Variants in ARHGAP5 observed in about 807,000 individuals in gnomAD.
ARHGAP5 encodes the protein rho GTPase-activating protein 5.
A neutral mutation model predicts 116.6 loss-of-function variants in ARHGAP5; 23 were observed. The ratio of observed to expected loss-of-function variants is 0.20; its 90% CI spans 0.14 to 0.28. ARHGAP5 has a LOEUF of 0.28. Ranked by LOEUF, ARHGAP5 falls within the 10% of genes least tolerant of loss-of-function variation. The pLI is 1.00. For synonymous variants in ARHGAP5, 574 were observed against 602.0 expected (o/e 0.95, Z 0.68); for missense variants, 1,405 against 1,774.8 (o/e 0.79, Z 3.74).
Position 32,091,073 on chromosome 14 carries a change from C to G in ARHGAP5, c.404C>G (p.Thr135Ser), listed in dbSNP as rs371747331. ...QSAEKLMYIC[T>S]DQLGLEQDFE... ...GCAGAAAAACTAATGTACATTTGCACTGATCAGCTAGGCTTAGAACAAGAC... is the reference window on the plus strand; with the variant it reads ...GCAGAAAAACTAATGTACATTTGCAGTGATCAGCTAGGCTTAGAACAAGAC... Residue 135 changes from threonine to serine, a missense_variant, in exon 2 of 7, where the codon ACT becomes AGT. By Grantham distance (58) the Thr-to-Ser change is moderately conservative. Coordinates refer to ENST00000345122, the MANE Select transcript of ARHGAP5 (RefSeq NM_001030055.2). 2 of 1,613,578 alleles carry G rather than the reference C, an allele frequency of 1.2e-6. No homozygotes were observed. Among genetic ancestry groups the G allele is most frequent in the African/African-American group, 2.7e-5 (2 of 74,900 alleles).
In ARHGAP5 at chr14:32,155,206, T is replaced by C. The variant is rs1656481229; in HGVS notation, c.*258T>C. 2.6e-6 allele frequency: 1 copy of C among 379,408 alleles called. No individual in the cohort carries two copies. The highest frequency in any genetic ancestry group is 4.7e-5 in the South Asian group (1 of 21,294). The allele number at this position is 379,408 out of a possible 1,614,324, so 23.5% of individuals were successfully genotyped here. ...AAAGCTGCTGCTGCATGCAACCTTA[T>C]TGCAATCAGTATATCATTCCTGTGG... On this transcript the variant is annotated 3_prime_UTR_variant, in exon 7 of 7. Coordinates refer to ENST00000345122, the MANE Select transcript of ARHGAP5 (RefSeq NM_001030055.2).
intron 1 of ARHGAP5, among the ~76,000 whole-genome samples, chr14:32,079,543 A>G (rs1171620715): frequency 6.6e-6 from 1 of 152,182 alleles, no homozygotes; most frequent in African/African-American, 2.4e-5. Context: ...AGTTATTTTG[A>G]CCTTGAAAGT....
intron 3 of ARHGAP5, among the ~76,000 whole-genome samples, chr14:32,121,183 G>T (rs1271056131): frequency 6.6e-6 from 1 of 151,456 alleles, no homozygotes; most frequent in East Asian, 1.9e-4. Context: ...ACCTTTTTTG[G>T]TTTTGGTAGA....
intron 3 of ARHGAP5, among the ~76,000 whole-genome samples, chr14:32,137,845 G>A (rs1228232682): frequency 2.0e-5 from 3 of 151,760 alleles, no homozygotes; most frequent in South Asian, 2.1e-4. Context: ...GGTGGCAGGC[G>A]CCTGTAATCC....
At chr14:32,085,846 A>G (rs1335367723) in intron 1 of ARHGAP5, among the ~76,000 whole-genome samples, 1 of 152,196 alleles carries the variant, frequency 6.6e-6, no homozygotes, top group Admixed American at 6.5e-5. Flanking sequence ...TTTTGAAAAA[A>G]AATTTTTTTA....
intron 3 of ARHGAP5, among the ~76,000 whole-genome samples, chr14:32,129,878 A>G (rs115379676): frequency 0.037 from 5,677 of 152,180 alleles, 360 homozygotes; most frequent in African/African-American, 0.13. Context: ...TGGCTATAGA[A>G]AAACAAGCCA....
intron 1 of ARHGAP5, among the ~76,000 whole-genome samples, chr14:32,088,807 G>A (rs1349690715): frequency 6.6e-6 from 1 of 151,878 alleles, no homozygotes; most frequent in African/African-American, 2.4e-5. Flanking sequence ...ATAAAGAACT[G>A]GAACTAATAT....
In ARHGAP5 at chr14:32,092,417, G is replaced by A. The variant is rs746935718; in HGVS notation, c.1748G>A (p.Arg583His). The change falls in exon 2 of 7, where the codon CGC becomes CAC. Residue 583 changes from arginine (R) to histidine (H), a missense_variant. Arg to His is a conservative substitution (Grantham distance 29, BLOSUM62 0). Around this residue, in one of 6 missense-constraint regions of ARHGAP5, gnomAD observed 944 missense variants for 1,095.3 expected, o/e 0.86. Coordinates refer to ENST00000345122, the MANE Select transcript of ARHGAP5 (RefSeq NM_001030055.2). The surrounding 1 kb of genome is among the most constrained non-coding windows in gnomAD (Gnocchi z 4.1). ...AGTCTTTTACAGTTGGATCATGGCC[G>A]CTTAAGATTATATCACGATAGTACC... Reference protein sequence around the residue: ...ASSLLQLDHGRLRLYHDSTNI... With the variant: ...ASSLLQLDHGHLRLYHDSTNI... 24 of 1,613,206 alleles carry A rather than the reference G, an allele frequency of 1.5e-5. No individual in the cohort carries two copies. In the South Asian group the frequency reaches 1.8e-4, roughly 12 times the overall value.
intron 3 of ARHGAP5, among the ~76,000 whole-genome samples, chr14:32,127,895 G>A (rs1210322490): frequency 2.7e-5 from 4 of 149,906 alleles, no homozygotes; most frequent in Non-Finnish European, 4.4e-5. Flanking sequence ...CAGACGGGGC[G>A]GCTGGGCAGA....
At chr14:32,138,234 C>T (rs932069576) in intron 3 of ARHGAP5, among the ~76,000 whole-genome samples, 2 of 151,798 alleles carry the variant, frequency 1.3e-5, no homozygotes, top group Non-Finnish European at 2.9e-5. Context: ...ATCTTGTAAC[C>T]TGCAACTTTG....
intron 3 of ARHGAP5, among the ~76,000 whole-genome samples, chr14:32,128,051 C>T (rs145401815): frequency 0.018 from 2,608 of 148,950 alleles, 66 homozygotes; most frequent in African/African-American, 0.062. Context: ...CCAGACAGTG[C>T]GGCCGGGCAG....
At chr14:32,148,615 C>A (rs1052102421) in intron 4 of ARHGAP5, among the ~76,000 whole-genome samples, 9 of 151,946 alleles carry the variant, frequency 5.9e-5, no homozygotes, top group Non-Finnish European at 4.4e-5. Flanking sequence ...TAAATGAAAT[C>A]TAAATGTTCA....
rs765755645 is a variant in ARHGAP5, at chr14:32,146,363, TAA to T, written c.3943+27_3943+28del. The T allele has an allele frequency of 3.2e-6, 5 of 1,545,638 alleles. No homozygotes were observed. In the Admixed American group the frequency reaches 8.7e-5, roughly 27 times the overall value. Reference sequence around the variant, plus strand: ...AAGGTAAGAAGATGATTATGTGAAATAAAAATTGTTGTTTTATGTTTTCCTTG... The same window carrying T: ...AAGGTAAGAAGATGATTATGTGAAATAAATTGTTGTTTTATGTTTTCCTTG... On this transcript the variant is annotated intron_variant, in intron 4 of 6. Coordinates refer to ENST00000345122, the MANE Select transcript of ARHGAP5 (RefSeq NM_001030055.2).
chr14:32,130,085 A>G (rs1566677039), intron 3 of ARHGAP5, among the ~76,000 whole-genome samples: 1 of 151,372 alleles, frequency 6.6e-6, no homozygotes, highest in Non-Finnish European at 1.5e-5. Context: ...ATATATATGT[A>G]ATAAAATATA....
chr14:32,133,502 A>G (rs949193797), intron 3 of ARHGAP5, among the ~76,000 whole-genome samples: 4 of 152,210 alleles, frequency 2.6e-5, no homozygotes, highest in Admixed American at 6.5e-5. Context: ...GGGGTTTTCT[A>G]GATATACAAT....
chr14:32,100,698 T>C (rs1878753409), intron 2 of ARHGAP5, among the ~76,000 whole-genome samples: 2 of 152,212 alleles, frequency 1.3e-5, no homozygotes, highest in Non-Finnish European at 2.9e-5. Flanking sequence ...AGCAATGCCC[T>C]TCAGATGCTG....
At chr14:32,128,900 C>T (rs1429347321) in intron 3 of ARHGAP5, among the ~76,000 whole-genome samples, 1 of 152,162 alleles carries the variant, frequency 6.6e-6, no homozygotes, top group Non-Finnish European at 1.5e-5. Flanking sequence ...AGTGTTTCTA[C>T]TTTTAGAATG....
At chr14:32,112,085 G>T (rs1187936442) in intron 2 of ARHGAP5, among the ~76,000 whole-genome samples, 3 of 151,882 alleles carry the variant, frequency 2.0e-5, no homozygotes, top group African/African-American at 7.3e-5. Context: ...CCAAAGTTCT[G>T]GGATTACAGG....
rs1279089437 is a variant in ARHGAP5 at position 32,158,668 on chromosome 14, T to G, written c.*3720T>G. On this transcript the variant is annotated 3_prime_UTR_variant, in exon 7 of 7. Transcript: ENST00000345122. ...TTGTTTCAATACATATGGGACATGGTTGATTTTTTTACTGTATTAGAACTC... is the reference window on the plus strand; with the variant it reads ...TTGTTTCAATACATATGGGACATGGGTGATTTTTTTACTGTATTAGAACTC... 1.3e-5 allele frequency: 2 copies of G among 151,958 alleles called. No individual in the cohort carries two copies. Among genetic ancestry groups the G allele is most frequent in the African/African-American group, 4.8e-5 (2 of 41,454 alleles). The allele number at this position is 151,958 out of a possible 1,614,324, so 9.4% of individuals were successfully genotyped here.
Sources: gnomAD v4.1 joint callset for allele counts (sites outside exome capture counted in the v4.1 genomes callset) on GRCh38, gnomAD v4.1.1 for gene constraint, gnomAD v4.1.1 regional missense constraint, Gnocchi (gnomAD v3.1) non-coding constraint, MANE v1.5 for transcripts, NCBI Gene and HGNC (gene_info 2026-07-23, HGNC 2026-07-21) for gene names.